Variants in NAALADL2 observed in about 807,000 individuals in gnomAD.
NAALADL2 encodes N-acetylated alpha-linked acidic dipeptidase like 2.
Under a neutral mutation model 87.2 loss-of-function variants are expected in NAALADL2, and 76 were observed. The observed-to-expected ratio is 0.87, with a 90% CI of 0.72 to 1.05. The LOEUF (loss-of-function observed/expected upper bound fraction) is 1.05, where lower values mean the gene tolerates loss of function less well. Among genes scored for constraint, NAALADL2 ranks in the 50% least tolerant of loss-of-function variants. NAALADL2 has a pLI of 0.00. For synonymous variants in NAALADL2, 354 were observed against 331.0 expected (o/e 1.07, Z -0.75); for missense variants, 1,089 against 945.8 (o/e 1.15, Z -1.99).
In NAALADL2 at chr3:174,683,625, TTCTGGTGTG is replaced by T. The variant is rs1418231051; in HGVS notation, c.-114-54014_-114-54006del. On this transcript the variant is annotated intron_variant, in intron 2 of 3. Transcript: ENST00000434257. ...AGATAGAGTAAGAAATTAACAGAAC[TTCTGGTGTG>T]TGTGTGTGTGTGTGTGTGTGTGTGT... Among the ~76,000 whole-genome samples, 7 of 94,610 alleles carry T rather than the reference TTCTGGTGTG, an allele frequency of 7.4e-5. No individual in the cohort carries two copies. The East Asian group carries it at 1.7e-3, about 23-fold the overall frequency. 62.1% of individuals were successfully genotyped at this position (94,610 alleles called of 152,430 possible).
At chr3:175,195,167 C>T (rs1366961117) in intron 2 of NAALADL2, among the ~76,000 whole-genome samples, 1 of 151,682 alleles carries the variant, frequency 6.6e-6, no homozygotes, top group East Asian at 1.9e-4. Context: ...GCAAGAGACT[C>T]TAATAATGTC....
intron 9 of NAALADL2, among the ~76,000 whole-genome samples, chr3:175,491,896 A>G (rs575209438): frequency 6.6e-6 from 1 of 152,186 alleles, no homozygotes; most frequent in African/African-American, 2.4e-5. Flanking sequence ...TACTAAAATT[A>G]TGATCGGAAT....
chr3:174,582,465 A>T (rs1206106867), intron 2 of NAALADL2, among the ~76,000 whole-genome samples: 6 of 152,238 alleles, frequency 3.9e-5, no homozygotes, highest in Non-Finnish European at 8.8e-5. Context: ...TGAATATACC[A>T]ACAATCTTGG....
intron 3 of NAALADL2, among the ~76,000 whole-genome samples, chr3:174,759,758 C>G (rs1257040405): frequency 6.6e-6 from 1 of 150,820 alleles, no homozygotes; most frequent in Non-Finnish European, 1.5e-5. Context: ...TGGAGTGCAA[C>G]GGCATTATCT....
chr3:174,844,865 G>GT (rs1724426519), intron 3 of NAALADL2, among the ~76,000 whole-genome samples: 1 of 74,954 alleles, frequency 1.3e-5, no homozygotes, highest in Admixed American at 1.7e-4. Flanking sequence ...TTTTTTTTGG[G>GT]GGAGTCTTTA....
At position 174,588,241 on chromosome 3, in the gene NAALADL2, C is replaced by T. The variant is rs550486482; in HGVS notation, c.-115+37604C>T. Among the ~76,000 whole-genome samples, 147 of 152,266 alleles carry T rather than the reference C, an allele frequency of 9.7e-4. 1 individual carries two copies. The highest frequency in any genetic ancestry group is 1.8e-3 in the Non-Finnish European group (120 of 68,018). On this transcript the variant is annotated intron_variant, in intron 2 of 3. Transcript: ENST00000434257. Reference sequence around the variant, plus strand: ...CTCCATCAGGTCATTAAGGTGTTCTCTATGCTGTTTATTCTAGTTAGCCAT... The same window carrying T: ...CTCCATCAGGTCATTAAGGTGTTCTTTATGCTGTTTATTCTAGTTAGCCAT...
chr3:174,452,209 G>A (rs79111007), intron 1 of NAALADL2, among the ~76,000 whole-genome samples: 3,017 of 152,176 alleles, frequency 0.02, 103 homozygotes, highest in African/African-American at 0.062. Flanking sequence ...CATTTTAGTA[G>A]CTTTCTTTTA....
chr3:175,616,520 G>A (rs552321077), intron 10 of NAALADL2, among the ~76,000 whole-genome samples: 43 of 152,080 alleles, frequency 2.8e-4, no homozygotes, highest in Non-Finnish European at 5.7e-4. Flanking sequence ...GAGATTGCAT[G>A]CCATAGTACA....
chr3:175,188,748 T>C (rs1246165763), intron 2 of NAALADL2, among the ~76,000 whole-genome samples: 1 of 152,086 alleles, frequency 6.6e-6, no homozygotes, highest in Non-Finnish European at 1.5e-5. Context: ...TTAATCCTAT[T>C]GCACCTGGAT....
At chr3:174,608,575 A>C (rs1560089534) in intron 2 of NAALADL2, among the ~76,000 whole-genome samples, 1 of 152,176 alleles carries the variant, frequency 6.6e-6, no homozygotes, top group East Asian at 1.9e-4. Flanking sequence ...GAAATGGATA[A>C]ATTCCTTGAC....
chr3:175,352,192 G>A (rs1453568686), intron 5 of NAALADL2, among the ~76,000 whole-genome samples: 1 of 150,732 alleles, frequency 6.6e-6, no homozygotes, highest in African/African-American at 2.4e-5. Context: ...TTTAATGGGG[G>A]CTAGGACATG....
intron 11 of NAALADL2, among the ~76,000 whole-genome samples, chr3:175,727,391 G>T (rs1036101898): frequency 5.9e-5 from 9 of 152,152 alleles, no homozygotes; most frequent in African/African-American, 2.2e-4. Flanking sequence ...ATGTTCACAC[G>T]TAGTTTCTTT....
chr3:175,093,160 T>G (rs1436878338), intron 1 of NAALADL2, among the ~76,000 whole-genome samples: 1 of 151,710 alleles, frequency 6.6e-6, no homozygotes. Flanking sequence ...ATGGCATTAT[T>G]ATGTGATTAT....
chr3:175,632,222 T>C (rs1230309281), intron 11 of NAALADL2, among the ~76,000 whole-genome samples: 1 of 150,810 alleles, frequency 6.6e-6, no homozygotes, highest in African/African-American at 2.4e-5. Flanking sequence ...AGTGAATGAG[T>C]TCTCACAATA....
At chr3:175,195,836 C>G (rs1380346943) in intron 2 of NAALADL2, among the ~76,000 whole-genome samples, 11 of 151,872 alleles carry the variant, frequency 7.2e-5, no homozygotes, top group African/African-American at 2.7e-4. Flanking sequence ...ATAATCCTTC[C>G]AGACATTCAT....
intron 10 of NAALADL2, among the ~76,000 whole-genome samples, chr3:175,577,727 C>G (rs1026000185): frequency 6.6e-6 from 1 of 152,054 alleles, no homozygotes; most frequent in Non-Finnish European, 1.5e-5. Context: ...AATAAATGAC[C>G]TTGTTGATAT....
intron 2 of NAALADL2, among the ~76,000 whole-genome samples, chr3:174,654,871 G>A (rs1724743922): frequency 1.3e-5 from 2 of 151,948 alleles, no homozygotes; most frequent in South Asian, 4.1e-4. Flanking sequence ...GAGTATCTGG[G>A]ACTACAGGCG....
At chr3:175,612,479 A>C (rs1236887658) in intron 10 of NAALADL2, among the ~76,000 whole-genome samples, 1 of 152,140 alleles carries the variant, frequency 6.6e-6, no homozygotes, top group Non-Finnish European at 1.5e-5. Context: ...TGGCCAAAGG[A>C]CCTTGAAGGG....
chr3:174,600,296 A>G (rs755093986), intron 2 of NAALADL2, among the ~76,000 whole-genome samples: 35 of 152,090 alleles, frequency 2.3e-4, no homozygotes, highest in Non-Finnish European at 4.4e-4. Context: ...TGTTGGTAGT[A>G]TATGAGGAAT....
Sources: gnomAD v4.1 joint callset for allele counts (sites outside exome capture counted in the v4.1 genomes callset) on GRCh38, gnomAD v4.1.1 for gene constraint, MANE v1.5 for transcripts, NCBI Gene and HGNC (gene_info 2026-07-23, HGNC 2026-07-21) for gene names.